The following PPEF1 variants were observed in gnomAD, a reference collection of about 807,000 sequenced individuals.
PPEF1 encodes the protein serine/threonine-protein phosphatase with EF-hands 1.
Under a neutral mutation model 53.3 loss-of-function variants are expected in PPEF1, and 12 were observed. The observed-to-expected ratio is 0.23, with a 90% CI of 0.14 to 0.36. The LOEUF (loss-of-function observed/expected upper bound fraction) is 0.36. Ranked by LOEUF, PPEF1 falls within the 10% of genes least tolerant of loss-of-function variation. The pLI is 1.00. For missense variants in PPEF1, 334 were observed against 490.4 expected, an observed-to-expected ratio of 0.68 and a Z score of 3.01; for synonymous variants, 165 against 176.7, an observed-to-expected ratio of 0.93 and a Z score of 0.52.
intron 13 of PPEF1, among the ~76,000 whole-genome samples, chrX:18,818,412 C>T (rs2046963688): frequency 9.4e-6 from 1 of 106,223 alleles, no homozygotes; most frequent in South Asian, 4.4e-4. Context: ...GTTCTGTTGC[C>T]CAGGCTGGAG....
intron 6 of PPEF1, among the ~76,000 whole-genome samples, chrX:18,775,660 T>C (rs1012950062): frequency 8.9e-6 from 1 of 112,643 alleles, no homozygotes; most frequent in Non-Finnish European, 1.9e-5. Context: ...TCCTGTTTTA[T>C]TGGGGACCAT....
At chrX:18,767,054 GA>G (rs897841108) in intron 6 of PPEF1, among the ~76,000 whole-genome samples, 2 of 107,416 alleles carry the variant, frequency 1.9e-5, no homozygotes, top group African/African-American at 3.4e-5. Flanking sequence ...CTCTGTCTCA[GA>G]AAAAAAAAGA....
intron 10 of PPEF1, among the ~76,000 whole-genome samples, chrX:18,802,809 A>G (rs910750965): frequency 9.2e-6 from 1 of 108,460 alleles, no homozygotes. Flanking sequence ...TGTAGATTCA[A>G]CAATTGTCAA....
rs192814168 is a variant in PPEF1, at chrX:18,758,511, A to G, written c.511+770A>G. Among the ~76,000 whole-genome samples the G allele has an allele frequency of 2.0e-3, 226 of 112,000 alleles. 2 individuals are homozygous for G. Among genetic ancestry groups the G allele is most frequent in the Admixed American group, 6.7e-3 (71 of 10,535 alleles). ...ATCTAATTAAACTATTTGCATTTCTAGCGTCTGATAGTGGTGGCAGGGACT... is the reference window on the plus strand; with the variant it reads ...ATCTAATTAAACTATTTGCATTTCTGGCGTCTGATAGTGGTGGCAGGGACT... On this transcript the variant is annotated intron_variant, in intron 5 of 15. Transcript: ENST00000470157.
chrX:18,713,158 TCTC>T (rs1482028619), intron 1 of PPEF1, among the ~76,000 whole-genome samples: 1 of 111,797 alleles, frequency 8.9e-6, no homozygotes, highest in Non-Finnish European at 1.9e-5. Context: ...AGTGTTCCCT[TCTC>T]CTCCATTTTT....
intron 6 of PPEF1, among the ~76,000 whole-genome samples, 182 bp downstream of exon 6, chrX:18,761,758 A>AT (rs2045672355): frequency 9.1e-6 from 1 of 109,889 alleles, no homozygotes; most frequent in African/African-American, 3.3e-5. Flanking sequence ...CATCTCATAA[A>AT]TTTTTAAAAA....
chrX:18,747,389 C>T (rs1015775768), intron 3 of PPEF1, among the ~76,000 whole-genome samples: 4 of 112,346 alleles, frequency 3.6e-5, no homozygotes, highest in Non-Finnish European at 5.6e-5. Context: ...ATATGCCTGT[C>T]TGCATCCATA....
chrX:18,738,401 T>G (rs2045047356), intron 3 of PPEF1, among the ~76,000 whole-genome samples: 1 of 111,812 alleles, frequency 8.9e-6, no homozygotes, highest in African/African-American at 3.3e-5. Flanking sequence ...TTTGGCTGGA[T>G]ATGAAATTCT....
At chrX:18,680,842 C>G (rs1412864083), upstream of PPEF1, among the ~76,000 whole-genome samples, 1 of 102,103 alleles carries the variant, frequency 9.8e-6, no homozygotes, top group Non-Finnish European at 2.0e-5. Flanking sequence ...GTTCAATTCC[C>G]ACTTATGAGT....
At chrX:18,736,230 G>A (rs1367609332) in intron 3 of PPEF1, among the ~76,000 whole-genome samples, 1 of 111,717 alleles carries the variant, frequency 9.0e-6, no homozygotes, top group Admixed American at 9.6e-5. Flanking sequence ...AATGCTTCCA[G>A]TTTTTGTCCA....
upstream of PPEF1, among the ~76,000 whole-genome samples, chrX:18,705,791 C>T (rs1294202842): frequency 1.8e-5 from 2 of 111,999 alleles, no homozygotes; most frequent in Non-Finnish European, 3.8e-5. Context: ...TAATCAGGTT[C>T]ACCTCTGGTC....
chrX:18,734,578 G>A (rs1440408802), intron 3 of PPEF1, among the ~76,000 whole-genome samples: 8 of 110,793 alleles, frequency 7.2e-5, no homozygotes, highest in South Asian at 3.9e-4. Context: ...GAATAGTGCC[G>A]CAATAAACAT....
At chrX:18,787,892 C>A (rs1178153545) in intron 9 of PPEF1, among the ~76,000 whole-genome samples, 1 of 111,807 alleles carries the variant, frequency 8.9e-6, no homozygotes, top group Non-Finnish European at 1.9e-5. Flanking sequence ...GGCAGGTAGG[C>A]TGTGAACTAG....
chrX:18,686,392 C>G (rs1929079228), intron 3 of PPEF1, among the ~76,000 whole-genome samples: 1 of 111,406 alleles, frequency 9.0e-6, no homozygotes. Flanking sequence ...GTGAGTCTGT[C>G]CCAGCACTCT....
intron 4 of PPEF1, among the ~76,000 whole-genome samples, chrX:18,692,754 C>T (rs2147245225): frequency 8.9e-6 from 1 of 111,934 alleles, no homozygotes; most frequent in South Asian, 3.7e-4. Context: ...CCTCAGGCTC[C>T]CCTTGACTTA....
intron 4 of PPEF1, among the ~76,000 whole-genome samples, chrX:18,752,391 G>A (rs993282718): frequency 2.7e-5 from 3 of 111,008 alleles, no homozygotes; most frequent in Non-Finnish European, 3.8e-5. Context: ...GTATGTGTGC[G>A]TGTGTGGTGT....
upstream of PPEF1, among the ~76,000 whole-genome samples, chrX:18,681,066 A>G (rs1010588711): frequency 9.0e-6 from 1 of 111,480 alleles, no homozygotes; most frequent in South Asian, 3.8e-4. Flanking sequence ...GAATAGTGCC[A>G]CAATAAACAT....
At position 18,766,140 on chromosome X, in the gene PPEF1, C is replaced by T. The variant is rs1317323373; in HGVS notation, c.558+4564C>T. On this transcript the variant is annotated intron_variant, in intron 6 of 15. Coordinates refer to ENST00000470157, the MANE Select transcript of PPEF1 (RefSeq NM_001377996.1). The stretch of plus-strand genomic sequence containing the variant: ...AAAGGTAGTGTACTTAATGGTGTCT[C>T]AGACGGGAGAATGACACGTAGAGCT... Among the ~76,000 whole-genome samples the T allele has an allele frequency of 3.7e-5, 4 of 109,009 alleles. No homozygotes were observed. The East Asian group carries it at 1.2e-3, about 31-fold the overall frequency. 94.7% of individuals were successfully genotyped at this position (109,009 alleles called of 115,157 possible).
chrX:18,779,885 G>A lies in PPEF1; in HGVS notation c.725+709G>A, dbSNP rs1008525012. Among the ~76,000 whole-genome samples, 5 of 111,555 alleles carry A rather than the reference G, an allele frequency of 4.5e-5. No individual in the cohort carries two copies. The East Asian group carries it at 1.4e-3, about 31-fold the overall frequency. ...TCATGCTTTTGGTCCTGGGCTTTTGGGTGCCTTGATCAAAGCTCAGCAACT... is the reference window on the plus strand; with the variant it reads ...TCATGCTTTTGGTCCTGGGCTTTTGAGTGCCTTGATCAAAGCTCAGCAACT... On this transcript the variant is annotated intron_variant, in intron 7 of 15. Coordinates refer to ENST00000470157, the MANE Select transcript of PPEF1 (RefSeq NM_001377996.1).
Sources: allele counts gnomAD v4.1 joint callset (sites outside exome capture counted in the v4.1 genomes callset), GRCh38; gene constraint gnomAD v4.1.1; transcripts MANE v1.5; gene names NCBI Gene and HGNC (gene_info 2026-07-23, HGNC 2026-07-21).